Variants in CIMIP5 observed in about 807,000 individuals in gnomAD.
CIMIP5 encodes uncharacterized protein C2orf50.
the CIMIP5 span, among the ~76,000 whole-genome samples, chr2:11,137,373 CA>C: frequency 2.5e-3 from 364 of 145,138 alleles, 2 homozygotes; most frequent in African/African-American, 9.0e-3. Context: ...GACTCCATCT[CA>C]AAAAAAAACA....
At chr2:11,148,353 G>A in the CIMIP5 span, among the ~76,000 whole-genome samples, 2 of 152,096 alleles carry the variant, frequency 1.3e-5, no homozygotes, top group African/African-American at 4.8e-5. Context: ...CCGACCTCAG[G>A]TGATCCACCT....
the CIMIP5 span, chr2:11,143,772 C>T: frequency 3.8e-5 from 25 of 651,798 alleles, no homozygotes; most frequent in African/African-American, 3.2e-4. Context: ...CATCGGGTCA[C>T]TCTTGGGGGA....
At chr2:11,153,921 T>A in the CIMIP5 span, among the ~76,000 whole-genome samples, 1 of 77,684 alleles carries the variant, frequency 1.3e-5, no homozygotes. Flanking sequence ...TGAAACTCCG[T>A]CTCAAAAAAA....
chr2:11,133,685 T>C, the CIMIP5 span: 2 of 1,496,430 alleles, frequency 1.3e-6, no homozygotes, highest in South Asian at 1.3e-5. Context: ...GGGCAAATGA[T>C]CTGGCTGAGG....
the CIMIP5 span, chr2:11,133,308 G>C: frequency 1.3e-5 from 20 of 1,511,176 alleles, no homozygotes; most frequent in Non-Finnish European, 1.6e-5. Flanking sequence ...TCTGACACAA[G>C]CGCACACACA....
chr2:11,140,225 A>G, the CIMIP5 span, among the ~76,000 whole-genome samples: 24 of 151,798 alleles, frequency 1.6e-4, no homozygotes, highest in Admixed American at 9.8e-4. Context: ...AATACAAAAA[A>G]TTAGCCAGGC....
the CIMIP5 span, among the ~76,000 whole-genome samples, chr2:11,138,914 T>G: frequency 1.3e-5 from 2 of 151,812 alleles, no homozygotes; most frequent in Non-Finnish European, 2.9e-5. Context: ...TTTATTTTTA[T>G]TTTTATTTAT....
the CIMIP5 span, among the ~76,000 whole-genome samples, chr2:11,146,284 A>G: frequency 6.6e-6 from 1 of 152,212 alleles, no homozygotes; most frequent in Admixed American, 6.5e-5. Flanking sequence ...CACTTGCCCA[A>G]GGTCACACAG....
chr2:11,144,112 G>C, the CIMIP5 span: 1 of 1,574,178 alleles, frequency 6.4e-7, no homozygotes. Flanking sequence ...GCCCATCTAG[G>C]AGCAAGGAGG....
At chr2:11,150,297 T>C in the CIMIP5 span, among the ~76,000 whole-genome samples, 7 of 151,574 alleles carry the variant, frequency 4.6e-5, no homozygotes, top group Admixed American at 4.0e-4. Flanking sequence ...TATAACAAAC[T>C]TGCAAGTGGC....
At chr2:11,151,008 A>T in the CIMIP5 span, among the ~76,000 whole-genome samples, 2 of 152,200 alleles carry the variant, frequency 1.3e-5, no homozygotes, top group African/African-American at 4.8e-5. Flanking sequence ...AGAAATGCTT[A>T]TCTGATTGCT....
At chr2:11,133,332 A>AC in the CIMIP5 span, 70,440 of 1,597,350 alleles carry the variant, frequency 0.044, 11,233 homozygotes, top group African/African-American at 0.53. Flanking sequence ...ACACACTTGC[A>AC]CCATGGGGAG....
the CIMIP5 span, among the ~76,000 whole-genome samples, chr2:11,148,593 G>C: frequency 6.6e-6 from 1 of 151,328 alleles, no homozygotes; most frequent in African/African-American, 2.5e-5. Context: ...AACAGTAATA[G>C]GCCACCCTGA....
chr2:11,140,634 A>G, the CIMIP5 span: 2 of 1,112,344 alleles, frequency 1.8e-6, no homozygotes, highest in East Asian at 4.9e-5. Context: ...TTTATTGAAG[A>G]TCTACTCTAC....
the CIMIP5 span, chr2:11,146,776 A>C: frequency 1.3e-5 from 2 of 152,248 alleles, no homozygotes; most frequent in Non-Finnish European, 2.9e-5. Context: ...AGTGGCCAGG[A>C]CAGCCAGGGG....
the CIMIP5 span, among the ~76,000 whole-genome samples, chr2:11,135,351 TG>T: frequency 7.9e-5 from 12 of 152,232 alleles, no homozygotes; most frequent in Non-Finnish European, 5.9e-5. Flanking sequence ...CTCCACACGC[TG>T]GCCAACACTC....
At chr2:11,139,800 G>A in the CIMIP5 span, among the ~76,000 whole-genome samples, 1 of 152,252 alleles carries the variant, frequency 6.6e-6, no homozygotes, top group East Asian at 1.9e-4. Context: ...AAATTATTTT[G>A]TTCTGGCTGG....
chr2:11,146,240 T>C, the CIMIP5 span, among the ~76,000 whole-genome samples: 6 of 152,172 alleles, frequency 3.9e-5, no homozygotes, highest in African/African-American at 1.4e-4. Context: ...GATACTCCTA[T>C]AAATGAGGCA....
chr2:11,150,995 G>C, the CIMIP5 span, among the ~76,000 whole-genome samples: 1 of 152,266 alleles, frequency 6.6e-6, no homozygotes, highest in Admixed American at 6.5e-5. Flanking sequence ...CTGCTCACCT[G>C]AGAGAAATGC....
Sources: allele counts gnomAD v4.1 joint callset (sites outside exome capture counted in the v4.1 genomes callset), GRCh38; gene constraint gnomAD v4.1.1; transcripts MANE v1.5; gene names NCBI Gene and HGNC (gene_info 2026-07-23, HGNC 2026-07-21).